Variants in HDAC9 observed in about 807,000 individuals in gnomAD.
The protein encoded by HDAC9 is MEF-2 interacting transcription repressor (MITR) protein.
Under a neutral mutation model 139.4 loss-of-function variants are expected in HDAC9, and 41 were observed. That is an observed-to-expected ratio of 0.29 (90% CI 0.23 to 0.38). HDAC9 has a LOEUF of 0.38. Among genes scored for constraint, HDAC9 ranks in the 10% least tolerant of loss-of-function variants. HDAC9 has a pLI of 1.00. For missense variants in HDAC9, 1,147 were observed against 1,297.0 expected (o/e 0.88, Z 1.78); for synonymous variants, 517 against 476.2 (o/e 1.09, Z -1.12).
intron 1 of HDAC9, among the ~76,000 whole-genome samples, chr7:18,146,883 A>T (rs904395898): frequency 6.6e-6 from 1 of 152,188 alleles, no homozygotes; most frequent in African/African-American, 2.4e-5. Context: ...GGGGCGTTAG[A>T]CAGACATTGT....
chr7:18,600,733 T>C (rs1833725628), intron 6 of HDAC9, among the ~76,000 whole-genome samples: 1 of 152,242 alleles, frequency 6.6e-6, no homozygotes, highest in Non-Finnish European at 1.5e-5. Flanking sequence ...TCTTCTTCCA[T>C]ATTGTGTTGG....
At chr7:18,872,997 A>G (rs1483810294) in intron 21 of HDAC9, among the ~76,000 whole-genome samples, 1 of 152,158 alleles carries the variant, frequency 6.6e-6, no homozygotes, top group African/African-American at 2.4e-5. Flanking sequence ...ATCTTGATAA[A>G]GCACTCCTAA....
intron 1 of HDAC9, among the ~76,000 whole-genome samples, chr7:18,442,655 T>A (rs1031340410): frequency 6.6e-6 from 1 of 152,244 alleles, no homozygotes; most frequent in African/African-American, 2.4e-5. Context: ...TTAAATTTTA[T>A]CTTTTTGAGT....
At chr7:18,365,533 T>A (rs1270863626) in intron 1 of HDAC9, among the ~76,000 whole-genome samples, 1 of 152,124 alleles carries the variant, frequency 6.6e-6, no homozygotes, top group African/African-American at 2.4e-5. Context: ...GTATTTTGTC[T>A]TCTTTCTCCA....
At chr7:18,183,166 C>T (rs1043983256) in intron 2 of HDAC9, among the ~76,000 whole-genome samples, 17 of 151,836 alleles carry the variant, frequency 1.1e-4, no homozygotes, top group Admixed American at 6.6e-4. Context: ...CCTGCCACCA[C>T]ACCCGGCTAA....
Position 18,640,446 on chromosome 7 carries a change from T to C in HDAC9, c.913-4225T>C, listed in dbSNP as rs147802707. On this transcript the variant is annotated intron_variant, in intron 8 of 25. Transcript: ENST00000686413. ...ACTAGCATTCTGTCAAGGGCTATCA[T>C]TGACTTTTTTGTCTTCTTAAGAGTA... Among the ~76,000 whole-genome samples, 482 of 151,554 alleles carry C rather than the reference T, an allele frequency of 3.2e-3. 4 individuals are homozygous for C. The highest frequency in any genetic ancestry group is 0.011 in the African/African-American group (451 of 41,348).
chr7:18,675,425 T>A (rs552906785), intron 12 of HDAC9, among the ~76,000 whole-genome samples: 1 of 152,196 alleles, frequency 6.6e-6, no homozygotes, highest in Admixed American at 6.6e-5. Context: ...ATTTTTCTGT[T>A]AAGGAATTGT....
intron 25 of HDAC9, among the ~76,000 whole-genome samples, chr7:18,979,390 A>G (rs1370537593): frequency 2.0e-5 from 3 of 152,170 alleles, no homozygotes; most frequent in Non-Finnish European, 2.9e-5. Flanking sequence ...TTCCTCAAAT[A>G]GCCCATCCCA....
At chr7:18,338,190 G>A (rs1585242498) in intron 1 of HDAC9, among the ~76,000 whole-genome samples, 1 of 151,690 alleles carries the variant, frequency 6.6e-6, no homozygotes, top group East Asian at 1.9e-4. Flanking sequence ...GAAGATACAG[G>A]GTAAGTTATA....
At chr7:18,303,416 T>G (rs1430999709) in intron 1 of HDAC9, among the ~76,000 whole-genome samples, 1 of 117,840 alleles carries the variant, frequency 8.5e-6, no homozygotes, top group African/African-American at 5.0e-5. Context: ...TGTGTGTGTG[T>G]GTGTGTGTTT....
At chr7:18,756,286 C>A (rs1788869318) in intron 14 of HDAC9, among the ~76,000 whole-genome samples, 1 of 152,138 alleles carries the variant, frequency 6.6e-6, no homozygotes, top group Non-Finnish European at 1.5e-5. Context: ...TAAGCATTAA[C>A]CTGAGAAACA....
chr7:18,321,783 C>G (rs955909696), intron 1 of HDAC9, among the ~76,000 whole-genome samples: 1 of 152,054 alleles, frequency 6.6e-6, no homozygotes, highest in African/African-American at 2.4e-5. Flanking sequence ...CGCCCTGGTG[C>G]ACAATAGAAC....
rs1043547130 is a variant in HDAC9, at chr7:18,768,459, A to G, written c.2214+1304A>G. ...CAGTGACTTTTGCTTTTTGACCACC[A>G]GCATGGGACAGTCATCAATCCCACA... On this transcript the variant is annotated intron_variant, in intron 16 of 25. Coordinates refer to ENST00000686413, the MANE Select transcript of HDAC9 (RefSeq NM_178425.4). 5.3e-5 allele frequency among the ~76,000 whole-genome samples: 8 copies of G among 152,148 alleles called. No individual in the cohort carries two copies. The South Asian group carries it at 1.4e-3, about 28-fold the overall frequency.
chr7:18,649,223 C>T (rs186013093), intron 11 of HDAC9, among the ~76,000 whole-genome samples: 2 of 152,246 alleles, frequency 1.3e-5, no homozygotes, highest in Admixed American at 6.5e-5. Flanking sequence ...CTAAAATAGA[C>T]AGCGGATGTC....
At chr7:18,179,829 TA>T (rs1789247681) in intron 2 of HDAC9, among the ~76,000 whole-genome samples, 1 of 152,198 alleles carries the variant, frequency 6.6e-6, no homozygotes, top group South Asian at 2.1e-4. Context: ...GTTGGTATCA[TA>T]AAAGATGTAA....
At chr7:18,574,470 C>T (rs1275986646) in intron 2 of HDAC9, among the ~76,000 whole-genome samples, 2 of 152,244 alleles carry the variant, frequency 1.3e-5, no homozygotes, top group Non-Finnish European at 2.9e-5. Context: ...TAAGTTCTCA[C>T]TCTGGTCCAC....
intron 25 of HDAC9, among the ~76,000 whole-genome samples, chr7:18,978,500 C>G (rs1370390680): frequency 6.6e-6 from 1 of 151,972 alleles, no homozygotes; most frequent in Admixed American, 6.6e-5. Context: ...TGTGGGAATT[C>G]CTTTTGGGGA....
intron 1 of HDAC9, among the ~76,000 whole-genome samples, chr7:18,156,523 A>G (rs1259466949): frequency 6.6e-6 from 1 of 152,192 alleles, no homozygotes; most frequent in Non-Finnish European, 1.5e-5. Context: ...GCATAACTAC[A>G]GAATCATTGG....
intron 12 of HDAC9, among the ~76,000 whole-genome samples, chr7:18,698,231 A>G (rs973927349): frequency 2.6e-5 from 4 of 152,122 alleles, no homozygotes; most frequent in Non-Finnish European, 5.9e-5. Context: ...TTATTTTTCA[A>G]GTTGAAAGGA....
Sources: allele counts gnomAD v4.1 joint callset (sites outside exome capture counted in the v4.1 genomes callset), GRCh38; gene constraint gnomAD v4.1.1; transcripts MANE v1.5; gene names NCBI Gene and HGNC (gene_info 2026-07-23, HGNC 2026-07-21).